Variants in TOMM20L observed in about 807,000 individuals in gnomAD.
TOMM20L encodes the protein translocase of outer mitochondrial membrane 20 like, also known as TOMM20-like protein 1.
TOMM20L carries 19 observed loss-of-function variants against 20.4 expected under a neutral mutation model. That is an observed-to-expected ratio of 0.93 (90% CI 0.65 to 1.36). The LOEUF is 1.36. Among genes scored for constraint, TOMM20L ranks in the 40% most tolerant of loss-of-function variants. The pLI, the probability that TOMM20L is intolerant of heterozygous loss-of-function variation, is 0.00. For missense variants in TOMM20L, 218 were observed against 203.7 expected (o/e 1.07, Z -0.43); for synonymous variants, 75 against 79.6 (o/e 0.94, Z 0.30).
At chr14:58,404,090 C>CATATATGTGTGTGT (rs1470382627) in intron 3 of TOMM20L, among the ~76,000 whole-genome samples, 1 of 16,832 alleles carries the variant, frequency 5.9e-5, no homozygotes, top group African/African-American at 1.4e-4. Context: ...TGTATATATA[C>CATATATGTGTGTGT]ATATATATGT....
At chr14:58,409,920 A>C (rs948362760), downstream of TOMM20L, among the ~76,000 whole-genome samples, 8 of 152,214 alleles carry the variant, frequency 5.3e-5, no homozygotes, top group East Asian at 1.5e-3. Flanking sequence ...TCTGTTGCCC[A>C]GGGTGGAGTG....
At chr14:58,412,850 A>C (rs1388823981), downstream of TOMM20L, among the ~76,000 whole-genome samples, 2 of 152,096 alleles carry the variant, frequency 1.3e-5, no homozygotes, top group Non-Finnish European at 2.9e-5. Flanking sequence ...ACAGTGAGCC[A>C]AGATCACACC....
downstream of TOMM20L, among the ~76,000 whole-genome samples, chr14:58,409,680 G>A (rs2036148241): frequency 6.6e-6 from 1 of 152,046 alleles, no homozygotes; most frequent in Admixed American, 6.6e-5. Flanking sequence ...CTGAGTTCAC[G>A]CCATTCTCCT....
chr14:58,411,468 A>C (rs1350761949), downstream of TOMM20L, among the ~76,000 whole-genome samples: 1 of 151,860 alleles, frequency 6.6e-6, no homozygotes, highest in Non-Finnish European at 1.5e-5. Context: ...GAACAAGAAA[A>C]ATACGTACAC....
chr14:58,404,411 G>C (rs1006741421), intron 3 of TOMM20L, among the ~76,000 whole-genome samples: 1 of 151,094 alleles, frequency 6.6e-6, no homozygotes, highest in African/African-American at 2.4e-5. Flanking sequence ...TTACAGGCGT[G>C]AGCCACCGCG....
Position 58,396,093 on chromosome 14 carries a change from A to G in TOMM20L, c.136A>G (p.Lys46Glu), listed in dbSNP as rs2035912369. The G allele has an allele frequency of 3.6e-6, 5 of 1,375,128 alleles. No homozygotes were observed. Among genetic ancestry groups the G allele is most frequent in the Non-Finnish European group, 2.8e-6 (3 of 1,061,394 alleles). 85.2% of individuals were successfully genotyped at this position (1,375,128 alleles called of 1,614,324 possible). ...CGCGTTCAAGCGCCGCCTGCGGGAC[A>G]GTGAGTGGGACCGAGGCGGAGGCGC... ...DPAFKRRLRD[K>E]RRAEPQKAEE... The change falls in exon 1 of 5, where the codon AAA becomes GAA. Residue 46 changes from lysine (K) to glutamate (E), a missense_variant and splice_region_variant. Lys to Glu is a moderately conservative substitution (Grantham distance 56). Transcript: ENST00000360945.
At position 58,397,276 on chromosome 14, in the gene TOMM20L, ATG is replaced by A. The variant is rs141590875; in HGVS notation, c.180+951_180+952del. The stretch of plus-strand genomic sequence containing the variant: ...CACATATATGTATGTGTGTATATAT[ATG>A]TGTGTGTGTGTGTGTCTGTGTATAG... On this transcript the variant is annotated intron_variant, in intron 2 of 4. Transcript: ENST00000360945. 3.5e-3 allele frequency among the ~76,000 whole-genome samples: 536 copies of A among 151,572 alleles called. 5 individuals carry two copies. The highest frequency in any genetic ancestry group is 0.01 in the African/African-American group (417 of 41,358).
chr14:58,402,779 C>T lies in TOMM20L; in HGVS notation c.262+18C>T, dbSNP rs1179140336. On this transcript the variant is annotated intron_variant, in intron 3 of 4. Transcript: ENST00000360945. Reference sequence around the variant, plus strand: ...ATCTAGAGGTAAGAATGTAAATGTTCTTTTGTGAGTTATGACAGCTTATAC... The same window carrying T: ...ATCTAGAGGTAAGAATGTAAATGTTTTTTTGTGAGTTATGACAGCTTATAC... 5.1e-6 allele frequency: 8 copies of T among 1,564,492 alleles called. No individual in the cohort carries two copies. The highest frequency in any genetic ancestry group is 7.0e-6 in the Non-Finnish European group (8 of 1,136,392).
chr14:58,411,945 T>C (rs1317909768), downstream of TOMM20L: 1 of 1,613,564 alleles, frequency 6.2e-7, no homozygotes, highest in African/African-American at 1.3e-5. Context: ...TGTGCAGCCA[T>C]ATTCTTCTGG....
At chr14:58,399,662 G>A (rs886094976) in intron 2 of TOMM20L, among the ~76,000 whole-genome samples, 4 of 151,470 alleles carry the variant, frequency 2.6e-5, no homozygotes, top group Non-Finnish European at 1.5e-5. Context: ...AGTTTCATCT[G>A]CCTACCAGAC....
intron 4 of TOMM20L, among the ~76,000 whole-genome samples, 196 bp downstream of exon 4, chr14:58,407,664 T>C (rs1279704499): frequency 6.6e-6 from 1 of 152,230 alleles, no homozygotes; most frequent in Non-Finnish European, 1.5e-5. Context: ...TTGTATATTT[T>C]CTTGTATTAT....
intron 2 of TOMM20L, among the ~76,000 whole-genome samples, chr14:58,401,661 T>C (rs959819093): frequency 6.6e-6 from 1 of 152,090 alleles, no homozygotes; most frequent in African/African-American, 2.4e-5. Context: ...CCTTACAGAT[T>C]TGAAACACTG....
intron 1 of TOMM20L, 78 bp downstream of exon 1, chr14:58,396,171 G>A: frequency 1.7e-5 from 23 of 1,343,660 alleles, no homozygotes; most frequent in Non-Finnish European, 2.1e-5. Context: ...CCCCCACTGA[G>A]AGGCCGGGCC....
At chr14:58,409,039 G>A (rs763790415), downstream of TOMM20L, 20 of 1,611,710 alleles carry the variant, frequency 1.2e-5, 1 homozygote, top group South Asian at 4.4e-5. Flanking sequence ...CTTCTCTATC[G>A]TGGTTGGCCA....
At chr14:58,401,829 ACACTCACTCC>A (rs2035997072) in intron 2 of TOMM20L, among the ~76,000 whole-genome samples, 1 of 152,122 alleles carries the variant, frequency 6.6e-6, no homozygotes, top group African/African-American at 2.4e-5. Flanking sequence ...ATCCTTCTGA[ACACTCACTCC>A]CCTGCCAACC....
At position 58,396,094 on chromosome 14, in the gene TOMM20L, G is replaced by T; in HGVS notation, c.136+1G>T. On this transcript the variant is annotated splice_donor_variant, in intron 1 of 4. Transcript: ENST00000360945. LOFTEE classifies it high-confidence loss of function. ...GCGTTCAAGCGCCGCCTGCGGGACAGTGAGTGGGACCGAGGCGGAGGCGCG... is the reference window on the plus strand; with the variant it reads ...GCGTTCAAGCGCCGCCTGCGGGACATTGAGTGGGACCGAGGCGGAGGCGCG... 1 of 1,376,964 alleles carries T rather than the reference G, an allele frequency of 7.3e-7. No individual in the cohort carries two copies. The allele number at this position is 1,376,964 out of a possible 1,614,324, so 85.3% of individuals were successfully genotyped here.
At chr14:58,401,857 A>G (rs952405473) in intron 2 of TOMM20L, among the ~76,000 whole-genome samples, 2 of 152,152 alleles carry the variant, frequency 1.3e-5, no homozygotes, top group African/African-American at 4.8e-5. Context: ...ACCCCCAACC[A>G]GGTCCTTTGT....
At chr14:58,411,195 C>A (rs150085592), downstream of TOMM20L, among the ~76,000 whole-genome samples, 1,476 of 152,172 alleles carry the variant, frequency 9.7e-3, 31 homozygotes, top group African/African-American at 0.033. Flanking sequence ...TGCCTGTAAT[C>A]CCAGCACTTT....
intron 2 of TOMM20L, among the ~76,000 whole-genome samples, chr14:58,398,399 T>C (rs1356215429): frequency 1.3e-5 from 2 of 152,144 alleles, no homozygotes; most frequent in Admixed American, 6.6e-5. Context: ...GAAATTGTAA[T>C]GTTCAAGGAG....
Sources: gnomAD v4.1 joint callset for allele counts (sites outside exome capture counted in the v4.1 genomes callset) on GRCh38, gnomAD v4.1.1 for gene constraint, MANE v1.5 for transcripts, NCBI Gene and HGNC (gene_info 2026-07-23, HGNC 2026-07-21) for gene names.